The following ATG4C variants were observed in gnomAD, a reference collection of about 807,000 sequenced individuals.
ATG4C encodes cysteine protease ATG4C.
Under a neutral mutation model 57.6 loss-of-function variants are expected in ATG4C, and 56 were observed. The ratio of observed to expected loss-of-function variants is 0.97; its 90% CI spans 0.78 to 1.21. ATG4C has a LOEUF of 1.21. Ranked by LOEUF, ATG4C falls within the 50% of genes most tolerant of loss-of-function variation. The probability of loss-of-function intolerance (pLI) is 0.00; values close to 1 mark genes in which losing one functional copy is unlikely to be tolerated. For missense variants in ATG4C, 595 were observed against 529.8 expected (o/e 1.12, Z -1.21); for synonymous variants, 157 against 174.1 (o/e 0.90, Z 0.78).
At chr1:62,835,065 A>G (rs1665956513) in intron 9 of ATG4C, among the ~76,000 whole-genome samples, 1 of 151,758 alleles carries the variant, frequency 6.6e-6, no homozygotes, top group African/African-American at 2.4e-5. Flanking sequence ...TTCTTCATTT[A>G]TCTTTGTCTC....
intron 10 of ATG4C, among the ~76,000 whole-genome samples, chr1:62,862,322 G>A (rs894962952): frequency 2.3e-4 from 35 of 151,806 alleles, no homozygotes; most frequent in African/African-American, 7.7e-4. Flanking sequence ...TAATAAACCC[G>A]AATAACTCCT....
chr1:62,863,879 TA>T, intron 10 of ATG4C, 112 bp from the exon 11 acceptor site: 1 of 712,402 alleles, frequency 1.4e-6, no homozygotes, highest in South Asian at 2.3e-5. Flanking sequence ...TGGGTGAATG[TA>T]AATGAAAGAA....
chr1:62,864,148 G>T lies in ATG4C; in HGVS notation c.1366G>T (p.Val456Phe). ...QLKRFSTEEFVLL is the reference protein window; with the variant it reads ...QLKRFSTEEFFLL ...AAAAAGATTTAGCACGGAAGAGTTT[G>T]TCTTGCTTTAAAGATTAGCACATTT... is the stretch of plus-strand genomic sequence containing the variant. The change falls in exon 11 of 11, where the codon GTC becomes TTC. Residue 456 changes from valine to phenylalanine, a missense_variant. Transcript: ENST00000317868. 1 of 1,598,884 alleles carries T rather than the reference G, an allele frequency of 6.3e-7. No individual in the cohort carries two copies. The highest frequency in any genetic ancestry group is 2.3e-5 in the East Asian group (1 of 44,412).
chr1:62,801,511 G>A (rs1664660802), intron 1 of ATG4C, among the ~76,000 whole-genome samples: 1 of 152,140 alleles, frequency 6.6e-6, no homozygotes, highest in Non-Finnish European at 1.5e-5. Flanking sequence ...GGTGGCTCGC[G>A]CCTGTAATCC....
chr1:62,845,587 T>G (rs2100350432), intron 10 of ATG4C, among the ~76,000 whole-genome samples: 1 of 152,340 alleles, frequency 6.6e-6, no homozygotes, highest in South Asian at 2.1e-4. Context: ...TTTATGGTTT[T>G]TGAATTTTGT....
At chr1:62,825,191 G>C (rs1429216620) in intron 6 of ATG4C, among the ~76,000 whole-genome samples, 1 of 149,854 alleles carries the variant, frequency 6.7e-6, no homozygotes, top group Non-Finnish European at 1.5e-5. Flanking sequence ...AACCAAGATC[G>C]TGCCACTGCA....
At chr1:62,851,229 T>C (rs1165235622) in intron 10 of ATG4C, among the ~76,000 whole-genome samples, 2 of 152,110 alleles carry the variant, frequency 1.3e-5, no homozygotes, top group African/African-American at 4.8e-5. Flanking sequence ...AGTCCTTTTA[T>C]TCAGTGCACA....
Position 62,859,317 on chromosome 1 carries a change from T to C in ATG4C, c.1210-4675T>C, listed in dbSNP as rs148310181. On this transcript the variant is annotated intron_variant, in intron 10 of 10. Coordinates refer to ENST00000317868, the MANE Select transcript of ATG4C (RefSeq NM_032852.4). ...ACACTTCCGTCCTAAGCATTTCAGGTAAGGAATATTCAAACTGTATAGCCT... is the reference window on the plus strand; with the variant it reads ...ACACTTCCGTCCTAAGCATTTCAGGCAAGGAATATTCAAACTGTATAGCCT... Among the ~76,000 whole-genome samples, 5 of 152,258 alleles carry C rather than the reference T, an allele frequency of 3.3e-5. No homozygotes were observed. In the East Asian group the frequency reaches 7.7e-4, roughly 24 times the overall value.
intron 5 of ATG4C, 142 bp downstream of exon 5, chr1:62,819,477 G>A: frequency 1.6e-6 from 1 of 638,070 alleles, no homozygotes; most frequent in Non-Finnish European, 2.4e-6. Flanking sequence ...TCATTTGCCA[G>A]CAGGGAAAAA....
At chr1:62,805,285 A>C in intron 3 of ATG4C, 30 bp downstream of exon 3, 1 of 1,479,702 alleles carries the variant, frequency 6.8e-7, no homozygotes, top group Non-Finnish European at 8.9e-7. Flanking sequence ...ACCATTTAAA[A>C]ATTTTTGTAG....
chr1:62,855,555 C>T (rs1188537042), intron 10 of ATG4C, among the ~76,000 whole-genome samples: 1 of 152,186 alleles, frequency 6.6e-6, no homozygotes, highest in Non-Finnish European at 1.5e-5. Flanking sequence ...GAAAAATTTA[C>T]ATGTGGCCAG....
At chr1:62,847,774 G>A (rs970397718) in intron 10 of ATG4C, among the ~76,000 whole-genome samples, 4 of 152,120 alleles carry the variant, frequency 2.6e-5, no homozygotes, top group South Asian at 2.1e-4. Context: ...CTTTTATTTC[G>A]TTGAAATGGT....
intron 1 of ATG4C, among the ~76,000 whole-genome samples, chr1:62,802,542 A>G (rs1478525810): frequency 6.6e-6 from 1 of 152,016 alleles, no homozygotes; most frequent in African/African-American, 2.4e-5. Flanking sequence ...TGTAGTGGTA[A>G]ACTCATTATC....
intron 1 of ATG4C, among the ~76,000 whole-genome samples, chr1:62,788,369 A>C (rs538173158): frequency 1.5e-4 from 23 of 152,162 alleles, no homozygotes; most frequent in Non-Finnish European, 2.8e-4. Context: ...AGTTGTTAAC[A>C]TAGTGCCTCT....
intron 3 of ATG4C, among the ~76,000 whole-genome samples, chr1:62,813,407 CTG>C (rs1203163742): frequency 2.0e-5 from 3 of 152,124 alleles, no homozygotes; most frequent in African/African-American, 7.2e-5. Flanking sequence ...ATGCAGAAAA[CTG>C]AAACTGGAAC....
chr1:62,819,269 A>T lies in ATG4C; in HGVS notation c.659A>T (p.Tyr220Phe), dbSNP rs1233350817. The change falls in exon 5 of 11, where the codon TAT (tyrosine) becomes TTT (phenylalanine). Residue 220 changes from tyrosine to phenylalanine, a missense_variant. By Grantham distance (22) the Tyr-to-Phe change is conservative. Coordinates refer to ENST00000317868, the MANE Select transcript of ATG4C (RefSeq NM_032852.4). ...TTTGGCTTACATCAACTAATAGAAT[A>T]TGGAAAGAAGTCTGGGAAAAAAGCA... ...ALFGLHQLIE[Y>F]GKKSGKKAGD... is the part of the protein sequence containing the mutation. 2 of 1,613,204 alleles carry T rather than the reference A, an allele frequency of 1.2e-6. No homozygotes were observed. Among genetic ancestry groups the T allele is most frequent in the Non-Finnish European group, 1.7e-6 (2 of 1,179,608 alleles).
chr1:62,805,361 AGTATTT>A (rs1338880628), intron 3 of ATG4C, 106 bp downstream of exon 3: 5 of 1,321,730 alleles, frequency 3.8e-6, no homozygotes, highest in Admixed American at 7.9e-5. Context: ...ATTTCTTTTA[AGTATTT>A]GTATTTCTTA....
chr1:62,818,740 TTA>T (rs2100317765), intron 4 of ATG4C, among the ~76,000 whole-genome samples: 1 of 152,222 alleles, frequency 6.6e-6, no homozygotes, highest in East Asian at 1.9e-4. Context: ...CTTAGCATAG[TTA>T]TAGAGTTCCA....
intron 1 of ATG4C, among the ~76,000 whole-genome samples, chr1:62,788,533 A>G (rs577856617): frequency 6.6e-6 from 1 of 152,240 alleles, no homozygotes; most frequent in South Asian, 2.1e-4. Flanking sequence ...TTCATCATGC[A>G]TCTCCTAAGA....
Sources: allele counts gnomAD v4.1 joint callset (sites outside exome capture counted in the v4.1 genomes callset), GRCh38; gene constraint gnomAD v4.1.1; transcripts MANE v1.5; gene names NCBI Gene and HGNC (gene_info 2026-07-23, HGNC 2026-07-21).